RGS6: variants seen among roughly 807,000 people sequenced by gnomAD.
RGS6 encodes regulator of G-protein signaling 6.
In RGS6, 30 loss-of-function variants were observed where a neutral mutation model predicts 78.5. The ratio of observed to expected loss-of-function variants is 0.38; its 90% CI spans 0.29 to 0.52. The LOEUF (loss-of-function observed/expected upper bound fraction) is 0.52, where lower values mean the gene tolerates loss of function less well. Among genes scored for constraint, RGS6 ranks in the 20% least tolerant of loss-of-function variants. The pLI, the probability that RGS6 is intolerant of heterozygous loss-of-function variation, is 0.85. For missense variants in RGS6, 495 were observed against 609.7 expected, an observed-to-expected ratio of 0.81 and a Z score of 1.98; for synonymous variants, 206 against 206.0, an observed-to-expected ratio of 1.00 and a Z score of 0.00.
chr14:72,566,931 G>A (rs768407730), downstream of RGS6, among the ~76,000 whole-genome samples: 2 of 152,122 alleles, frequency 1.3e-5, no homozygotes, highest in African/African-American at 2.4e-5. Flanking sequence ...GCATACAGAC[G>A]GTGCTTCTTA....
intron 3 of RGS6, among the ~76,000 whole-genome samples, chr14:72,431,337 C>T (rs945880104): frequency 3.9e-5 from 6 of 152,052 alleles, no homozygotes; most frequent in African/African-American, 1.4e-4. Flanking sequence ...TCTTAACAAG[C>T]ACCCAGTTGG....
At chr14:72,296,929 T>C (rs527822994) in intron 2 of RGS6, among the ~76,000 whole-genome samples, 1 of 152,312 alleles carries the variant, frequency 6.6e-6, no homozygotes, top group East Asian at 1.9e-4. Context: ...ATGTCTATGA[T>C]TCATCTTGAG....
rs777614394 is a variant in RGS6 at position 72,363,643 on chromosome 14, C to G, written c.184+11449C>G. 3.3e-4 allele frequency among the ~76,000 whole-genome samples: 51 copies of G among 152,288 alleles called. 1 individual carries two copies. Among genetic ancestry groups the G allele is most frequent in the Non-Finnish European group, 6.3e-4 (43 of 68,024 alleles). On this transcript the variant is annotated intron_variant, in intron 3 of 17. Transcript: ENST00000553525. ...GAGGGTAACTCATCCAAAATGGATA[C>G]ACCTTAATATCATGGATTGAATACA...
chr14:71,977,949 T>A (rs2094227705), intron 2 of RGS6, among the ~76,000 whole-genome samples: 1 of 150,484 alleles, frequency 6.6e-6, no homozygotes, highest in Non-Finnish European at 1.5e-5. Context: ...TGAGCAGTGG[T>A]TTGTAGTTCT....
At chr14:71,888,204 C>G in the RGS6 span, among the ~76,000 whole-genome samples, 1 of 152,150 alleles carries the variant, frequency 6.6e-6, no homozygotes, top group Non-Finnish European at 1.5e-5. Context: ...GATCGCGCCA[C>G]TGCACTCCAG....
chr14:72,157,471 CTA>C (rs1284637233), intron 2 of RGS6, among the ~76,000 whole-genome samples: 1 of 152,164 alleles, frequency 6.6e-6, no homozygotes, highest in Non-Finnish European at 1.5e-5. Context: ...AGCAGAGGTG[CTA>C]TGTGTGGCTG....
At chr14:72,008,974 A>G (rs2085131578) in intron 2 of RGS6, among the ~76,000 whole-genome samples, 1 of 152,180 alleles carries the variant, frequency 6.6e-6, no homozygotes, top group Non-Finnish European at 1.5e-5. Context: ...TGTAAACAAT[A>G]TTATTTATGC....
intron 3 of RGS6, among the ~76,000 whole-genome samples, chr14:72,440,955 G>A (rs1433078362): frequency 1.4e-5 from 2 of 147,824 alleles, no homozygotes; most frequent in African/African-American, 2.5e-5. Context: ...GCATGCATGA[G>A]TTGTATGTGT....
chr14:71,930,689 A>G (rs921737512), upstream of RGS6, among the ~76,000 whole-genome samples: 2 of 151,978 alleles, frequency 1.3e-5, no homozygotes, highest in Admixed American at 1.3e-4. Context: ...AGCCTCAGAA[A>G]TGCAGAGTTC....
the RGS6 span, among the ~76,000 whole-genome samples, chr14:71,922,469 C>T: frequency 5.3e-5 from 8 of 152,282 alleles, no homozygotes; most frequent in South Asian, 2.1e-4. Context: ...TTAAAGACCC[C>T]GAACAGCTTT....
At chr14:72,095,484 T>G (rs1243246836) in intron 2 of RGS6, among the ~76,000 whole-genome samples, 2 of 152,230 alleles carry the variant, frequency 1.3e-5, no homozygotes, top group African/African-American at 4.8e-5. Flanking sequence ...ACAGCTTTCC[T>G]TCTTTGTCAG....
chr14:72,124,598 A>T (rs1020551442), intron 2 of RGS6, among the ~76,000 whole-genome samples: 1 of 152,228 alleles, frequency 6.6e-6, no homozygotes, highest in African/African-American at 2.4e-5. Context: ...TAAGCCATTC[A>T]TTGTTGGCGA....
chr14:72,252,838 A>G (rs1481994625), intron 2 of RGS6, among the ~76,000 whole-genome samples: 3 of 152,210 alleles, frequency 2.0e-5, no homozygotes, highest in Admixed American at 6.5e-5. Context: ...ATACAATGAC[A>G]TGTTCTAGAT....
At chr14:72,408,342 C>A (rs1208295357) in intron 3 of RGS6, among the ~76,000 whole-genome samples, 1 of 152,100 alleles carries the variant, frequency 6.6e-6, no homozygotes, top group Non-Finnish European at 1.5e-5. Flanking sequence ...TTATGATAAT[C>A]TTTTCATTGT....
the RGS6 span, among the ~76,000 whole-genome samples, chr14:71,911,042 G>A: frequency 6.6e-6 from 1 of 152,138 alleles, no homozygotes; most frequent in Non-Finnish European, 1.5e-5. Flanking sequence ...AGAGATCTGT[G>A]AAAGTGCTTT....
intron 1 of RGS6, among the ~76,000 whole-genome samples, chr14:71,934,888 G>A (rs1359325282): frequency 6.6e-6 from 1 of 151,994 alleles, no homozygotes; most frequent in Non-Finnish European, 1.5e-5. Context: ...TTCGTGCCAG[G>A]GGTTAAATAT....
intron 2 of RGS6, among the ~76,000 whole-genome samples, chr14:72,336,485 A>T (rs1251092607): frequency 1.3e-5 from 2 of 151,648 alleles, no homozygotes; most frequent in South Asian, 2.1e-4. Context: ...AAGCTGTCTA[A>T]TTTGGAAATA....
chr14:72,506,897 C>T (rs1229524137), intron 13 of RGS6, among the ~76,000 whole-genome samples: 2 of 148,052 alleles, frequency 1.4e-5, no homozygotes, highest in Non-Finnish European at 3.0e-5. Flanking sequence ...GCCTGTAATC[C>T]CAGCACTTTG....
At chr14:72,470,496 A>G (rs1352025819) in intron 8 of RGS6, among the ~76,000 whole-genome samples, 4 of 152,240 alleles carry the variant, frequency 2.6e-5, no homozygotes, top group Admixed American at 2.0e-4. Context: ...CTTTTCCCTG[A>G]CAGGGGAGGA....
Sources: allele counts gnomAD v4.1 joint callset (sites outside exome capture counted in the v4.1 genomes callset), GRCh38; gene constraint gnomAD v4.1.1; transcripts MANE v1.5; gene names NCBI Gene and HGNC (gene_info 2026-07-23, HGNC 2026-07-21).